Variants in GAD1 observed in about 807,000 individuals in gnomAD.
The protein encoded by GAD1 is 67 kDa glutamic acid decarboxylase.
In GAD1, 35 loss-of-function variants were observed where a neutral mutation model predicts 75.2. The ratio of observed to expected loss-of-function variants is 0.47; its 90% CI spans 0.36 to 0.62. GAD1 has a LOEUF of 0.62. GAD1 is among the 20% of genes least tolerant of loss of function. The pLI is 0.00. For synonymous variants in GAD1, 257 were observed against 271.9 expected, an observed-to-expected ratio of 0.95 and a Z score of 0.54; for missense variants, 490 against 758.5, an observed-to-expected ratio of 0.65 and a Z score of 4.16.
rs1701906386 is a variant in GAD1 at position 170,822,233 on chromosome 2, G to C, written c.145+84G>C. On this transcript the variant is annotated intron_variant, in intron 3 of 16. Transcript: ENST00000358196. Reference sequence around the variant, plus strand: ...CTTGGGAGACTGGGACGCAAGCGGAGGGGGATCCGGGCTCATGGGTCTGAT... The same window carrying C: ...CTTGGGAGACTGGGACGCAAGCGGACGGGGATCCGGGCTCATGGGTCTGAT... The C allele has an allele frequency of 4.5e-6, 5 of 1,123,098 alleles. No individual in the cohort carries two copies. In the South Asian group the frequency reaches 5.2e-5, roughly 12 times the overall value. 69.6% of individuals were successfully genotyped at this position (1,123,098 alleles called of 1,614,324 possible). A position where few individuals can be genotyped will look rare whatever the true frequency, so the allele number is the denominator to read the frequency against.
rs1230712403 is a variant in GAD1 at position 170,859,988 on chromosome 2, A to G, written c.*106A>G. ...CACACAGGCCATTTCATTGAGGGAAAACATAATATCTTGAAGAATATTGTT... is the reference window on the plus strand; with the variant it reads ...CACACAGGCCATTTCATTGAGGGAAGACATAATATCTTGAAGAATATTGTT... On this transcript the variant is annotated 3_prime_UTR_variant, in exon 17 of 17. Transcript: ENST00000358196. 8 of 993,450 alleles carry G rather than the reference A, an allele frequency of 8.1e-6. No individual in the cohort carries two copies. In the East Asian group the frequency reaches 2.1e-4, roughly 26 times the overall value. The allele number at this position is 993,450 out of a possible 1,614,324, so 61.5% of individuals were successfully genotyped here.
chr2:170,858,207 T>C (rs900986545), intron 15 of GAD1, among the ~76,000 whole-genome samples: 2 of 152,130 alleles, frequency 1.3e-5, no homozygotes, highest in African/African-American at 4.8e-5. Context: ...GCGAGAAAAC[T>C]TTATAGCAAG....
intron 15 of GAD1, among the ~76,000 whole-genome samples, 177 bp from the exon 16 acceptor site, chr2:170,858,627 T>C (rs1346029547): frequency 6.6e-6 from 1 of 152,200 alleles, no homozygotes; most frequent in Admixed American, 6.5e-5. Context: ...TTGCCACATA[T>C]GATTGGATAA....
At position 170,859,963 on chromosome 2, in the gene GAD1, C is replaced by T; in HGVS notation, c.*81C>T. On this transcript the variant is annotated 3_prime_UTR_variant, in exon 17 of 17. Coordinates refer to ENST00000358196, the MANE Select transcript of GAD1 (RefSeq NM_000817.3). ...AACAAACCTCTATATGTTGCTGAAA[C>T]ACACAGGCCATTTCATTGAGGGAAA... The T allele has an allele frequency of 2.4e-6, 3 of 1,248,142 alleles. No individual in the cohort carries two copies. The highest frequency in any genetic ancestry group is 3.5e-6 in the Non-Finnish European group (3 of 861,506). The allele number at this position is 1,248,142 out of a possible 1,614,324, so 77.3% of individuals were successfully genotyped here.
intron 10 of GAD1, among the ~76,000 whole-genome samples, chr2:170,847,150 T>C (rs1046839737): frequency 3.9e-5 from 6 of 152,374 alleles, no homozygotes; most frequent in Admixed American, 2.6e-4. Context: ...TGTATAGACC[T>C]TTTTTAAATA....
At position 170,818,813 on chromosome 2, in the gene GAD1, G is replaced by C. The variant is rs1323695957; in HGVS notation, c.82+140G>C. The C allele has an allele frequency of 1.8e-5, 15 of 829,524 alleles. No homozygotes were observed. The South Asian group carries it at 1.9e-4, about 11-fold the overall frequency. 51.4% of individuals were successfully genotyped at this position (829,524 alleles called of 1,614,324 possible). On this transcript the variant is annotated intron_variant, in intron 2 of 16. Transcript: ENST00000358196. The surrounding 1 kb of genome is among the most constrained non-coding windows in gnomAD (Gnocchi z 5.9). ...GGGAAATAAATGGGGCTCTGACCCC[G>C]TCCCTGCCAGAGGTCATTCGGCTGT...
At chr2:170,820,895 G>C (rs973832686) in intron 2 of GAD1, among the ~76,000 whole-genome samples, 1 of 152,204 alleles carries the variant, frequency 6.6e-6, no homozygotes, top group Non-Finnish European at 1.5e-5. Flanking sequence ...TAGATGAGAT[G>C]ATGTTGAAAG....
chr2:170,855,872 CAAAAAAAAAAAAAA>C (rs71008727), intron 14 of GAD1, among the ~76,000 whole-genome samples: 7 of 111,654 alleles, frequency 6.3e-5, no homozygotes, highest in Admixed American at 8.8e-5. Context: ...GACTCCATCT[CAAAAAAAAAAAAAA>C]AAAAAAAAAG....
At chr2:170,850,534 A>T (rs1034160223) in intron 12 of GAD1, among the ~76,000 whole-genome samples, 1 of 152,206 alleles carries the variant, frequency 6.6e-6, no homozygotes, top group Non-Finnish European at 1.5e-5. Flanking sequence ...AGGTAGAAGC[A>T]GACTAAGGAG....
rs1702865889 is a variant in GAD1, at chr2:170,856,962, CA to C, written c.1414-53del. On this transcript the variant is annotated intron_variant, in intron 14 of 16. Coordinates refer to ENST00000358196, the MANE Select transcript of GAD1 (RefSeq NM_000817.3). ...ATAGACAGGGACAGCATAGCCTTCC[CA>C]AATGCTCATCACAGGGAAATGCAAC... 2.9e-6 allele frequency: 4 copies of C among 1,390,682 alleles called. No homozygotes were observed. The East Asian group carries it at 9.1e-5, about 32-fold the overall frequency. 86.1% of individuals were successfully genotyped at this position (1,390,682 alleles called of 1,614,324 possible).
At chr2:170,843,120 T>C (rs1317335980) in intron 6 of GAD1, among the ~76,000 whole-genome samples, 1 of 152,210 alleles carries the variant, frequency 6.6e-6, no homozygotes, top group African/African-American at 2.4e-5. Context: ...TTAGTAAATA[T>C]CTTTTTGTTT....
Position 170,830,850 on chromosome 2 carries a change from C to G in GAD1, c.305-100C>G, listed in dbSNP as rs1323459458. Reference sequence around the variant, plus strand: ...GCACATACATATCCCAGAATGAAATCAGGCCTATACAGATAGCATGGTTAA... The same window carrying G: ...GCACATACATATCCCAGAATGAAATGAGGCCTATACAGATAGCATGGTTAA... On this transcript the variant is annotated intron_variant, in intron 4 of 16. Transcript: ENST00000358196. 15 of 1,442,606 alleles carry G rather than the reference C, an allele frequency of 1.0e-5. No individual in the cohort carries two copies. The East Asian group carries it at 3.3e-4, about 31-fold the overall frequency. 89.4% of individuals were successfully genotyped at this position (1,442,606 alleles called of 1,614,324 possible). A position where few individuals can be genotyped will look rare whatever the true frequency, so the allele number is the denominator to read the frequency against.
At position 170,818,330 on chromosome 2, in the gene GAD1, G is replaced by T; in HGVS notation, c.-63-199G>T. ...CCAGGGCTACGCTCCCTGCGCCCCAGTACCGGAGCTAGCGCGCACGTCTCC... is the reference window on the plus strand; with the variant it reads ...CCAGGGCTACGCTCCCTGCGCCCCATTACCGGAGCTAGCGCGCACGTCTCC... On this transcript the variant is annotated intron_variant, in intron 1 of 16. Transcript: ENST00000358196. This position sits in a 1 kb window ranked among gnomAD's most constrained non-coding sequence, Gnocchi z 5.9. 2.4e-6 allele frequency: 1 copy of T among 422,916 alleles called. No homozygotes were observed. Among genetic ancestry groups the T allele is most frequent in the Non-Finnish European group, 4.5e-6 (1 of 224,590 alleles). 26.2% of individuals were successfully genotyped at this position (422,916 alleles called of 1,614,324 possible).
chr2:170,855,640 C>A (rs1165966877), intron 14 of GAD1, among the ~76,000 whole-genome samples: 1 of 151,706 alleles, frequency 6.6e-6, no homozygotes. Context: ...TTTAGGAGGC[C>A]AAGGCAGGCG....
chr2:170,859,470 T>A (rs1702916867), intron 16 of GAD1, among the ~76,000 whole-genome samples: 1 of 152,250 alleles, frequency 6.6e-6, no homozygotes, highest in Admixed American at 6.5e-5. Context: ...CTTCATTTTT[T>A]ATTTTACTAT....
At chr2:170,832,394 T>C (rs578235802) in intron 5 of GAD1, among the ~76,000 whole-genome samples, 1 of 152,286 alleles carries the variant, frequency 6.6e-6, no homozygotes, top group East Asian at 1.9e-4. Context: ...GCCTTCATCC[T>C]GTGTGTGTGT....
intron 4 of GAD1, chr2:170,829,995 A>C: frequency 3.3e-6 from 1 of 303,430 alleles, no homozygotes; most frequent in Non-Finnish European, 6.4e-6. Flanking sequence ...TACACACAAA[A>C]TCACACTATG....
intron 5 of GAD1, 92 bp from the exon 6 acceptor site, chr2:170,836,701 C>A: frequency 1.2e-6 from 1 of 850,428 alleles, no homozygotes; most frequent in Non-Finnish European, 2.0e-6. Context: ...GATGGAAGCC[C>A]CATCAGTGTG....
intron 8 of GAD1, 30 bp downstream of exon 8, chr2:170,845,651 T>C (rs1225940165): frequency 6.2e-7 from 1 of 1,612,156 alleles, no homozygotes; most frequent in Non-Finnish European, 8.5e-7. Context: ...TCATGGATAG[T>C]GGTGTTTTTT....
Sources: allele counts gnomAD v4.1 joint callset (sites outside exome capture counted in the v4.1 genomes callset), GRCh38; gene constraint gnomAD v4.1.1; non-coding constraint Gnocchi (gnomAD v3.1); transcripts MANE v1.5; gene names NCBI Gene and HGNC (gene_info 2026-07-23, HGNC 2026-07-21).